The following ZRANB3 variants were observed in gnomAD, a reference collection of about 807,000 sequenced individuals.
ZRANB3 encodes DNA annealing helicase and endonuclease ZRANB3.
ZRANB3 carries 125 observed loss-of-function variants against 133.8 expected under a neutral mutation model. That is an observed-to-expected ratio of 0.93 (90% CI 0.81 to 1.08). The LOEUF (loss-of-function observed/expected upper bound fraction) is 1.08, where lower values mean the gene tolerates loss of function less well. Among genes scored for constraint, ZRANB3 ranks in the 50% least tolerant of loss-of-function variants. The probability of loss-of-function intolerance (pLI) is 0.00; values close to 1 mark genes in which losing one functional copy is unlikely to be tolerated. For synonymous variants in ZRANB3, 387 were observed against 432.7 expected (o/e 0.89, Z 1.31); for missense variants, 1,229 against 1,275.5 (o/e 0.96, Z 0.56).
At chr2:135,414,862 T>C (rs372721191) in intron 2 of ZRANB3, among the ~76,000 whole-genome samples, 6 of 151,992 alleles carry the variant, frequency 3.9e-5, no homozygotes, top group Non-Finnish European at 8.8e-5. Context: ...CTACTGGGTA[T>C]ATAACAAAAT....
intron 2 of ZRANB3, among the ~76,000 whole-genome samples, chr2:135,419,585 A>G (rs1688745342): frequency 6.6e-6 from 1 of 152,166 alleles, no homozygotes; most frequent in African/African-American, 2.4e-5. Context: ...GATTGCACCC[A>G]TATACAAGTT....
At chr2:135,240,667 C>T (rs1695511642) in intron 12 of ZRANB3, among the ~76,000 whole-genome samples, 1 of 152,162 alleles carries the variant, frequency 6.6e-6, no homozygotes, top group Non-Finnish European at 1.5e-5. Flanking sequence ...GAGTCTTGAC[C>T]TCCTGGATTC....
chr2:135,405,713 A>G (rs1188198939), intron 2 of ZRANB3, among the ~76,000 whole-genome samples: 1 of 152,210 alleles, frequency 6.6e-6, no homozygotes, highest in African/African-American at 2.4e-5. Flanking sequence ...CCTGCTCCTG[A>G]ATGACTACTG....
intron 13 of ZRANB3, 177 bp from the exon 14 acceptor site, chr2:135,228,192 AG>A (rs1694835536): frequency 1.8e-6 from 1 of 546,114 alleles, no homozygotes; most frequent in African/African-American, 1.9e-5. Flanking sequence ...AAGAGACAGC[AG>A]GAACAGGACA....
At chr2:135,356,980 G>A (rs184406541) in intron 3 of ZRANB3, among the ~76,000 whole-genome samples, 5 of 152,066 alleles carry the variant, frequency 3.3e-5, no homozygotes, top group East Asian at 1.9e-4. Flanking sequence ...CACCATGCCC[G>A]GCCTAATAGA....
intron 6 of ZRANB3, among the ~76,000 whole-genome samples, chr2:135,341,882 C>T (rs1684684741): frequency 1.3e-5 from 2 of 149,914 alleles, no homozygotes; most frequent in Non-Finnish European, 2.9e-5. Context: ...CAGACTGGTT[C>T]TCTGCTCTTG....
chr2:135,206,688 G>A (rs1269458976), intron 19 of ZRANB3, among the ~76,000 whole-genome samples: 1 of 145,666 alleles, frequency 6.9e-6, no homozygotes, highest in Non-Finnish European at 1.5e-5. Flanking sequence ...AGGGAAGGAG[G>A]AAAGGAGAAA....
chr2:135,500,713 A>G (rs998579397), intron 2 of ZRANB3, among the ~76,000 whole-genome samples: 3 of 150,914 alleles, frequency 2.0e-5, no homozygotes, highest in African/African-American at 7.3e-5. Flanking sequence ...CAAGCTATAC[A>G]TTCATAATCT....
Position 135,269,067 on chromosome 2 carries a change from T to C in ZRANB3, c.1281A>G (p.Ala427=), listed in dbSNP as rs1299824162. 1 of 1,613,236 alleles carries C rather than the reference T, an allele frequency of 6.2e-7. No individual in the cohort carries two copies. The highest frequency in any genetic ancestry group is 1.7e-5 in the Admixed American group (1 of 59,910). Residue 427 remains alanine, a synonymous_variant, in exon 11 of 21, where the codon GCA becomes GCG. Transcript: ENST00000264159. ...LYWDPGHIKQ[A]EDRAHRIGQC... The stretch of plus-strand genomic sequence containing the variant: ...GGCCAATTCTGTGAGCTCGGTCTTC[T>C]GCTTGTTTTATATGTCCAGGGTCCC...
intron 18 of ZRANB3, among the ~76,000 whole-genome samples, chr2:135,208,104 T>A (rs1234158607): frequency 6.6e-6 from 1 of 152,182 alleles, no homozygotes; most frequent in Non-Finnish European, 1.5e-5. Context: ...TCTGGAAACA[T>A]GTGAAACATC....
intron 6 of ZRANB3, among the ~76,000 whole-genome samples, chr2:135,337,165 AC>A (rs1387811202): frequency 6.6e-6 from 1 of 152,148 alleles, no homozygotes; most frequent in East Asian, 1.9e-4. Context: ...TAAACCCGAT[AC>A]CCACCATGGT....
At chr2:135,352,716 T>G (rs1573961577) in intron 4 of ZRANB3, among the ~76,000 whole-genome samples, 1 of 152,312 alleles carries the variant, frequency 6.6e-6, no homozygotes, top group African/African-American at 2.4e-5. Flanking sequence ...TACCAAAATT[T>G]AAAAATCTAA....
At chr2:135,299,088 T>G (rs930160217) in intron 8 of ZRANB3, among the ~76,000 whole-genome samples, 1 of 152,186 alleles carries the variant, frequency 6.6e-6, no homozygotes, top group African/African-American at 2.4e-5. Flanking sequence ...TTATGTCTTT[T>G]GTCTTCTCTT....
rs1311032573 is a variant in ZRANB3 at position 135,197,043 on chromosome 2, A to AAAAC, written c.*3295_*3298dup. 1 of 152,196 alleles carries AAAAC rather than the reference A, an allele frequency of 6.6e-6. No homozygotes were observed. The highest frequency in any genetic ancestry group is 2.4e-5 in the African/African-American group (1 of 41,426). 9.4% of individuals were successfully genotyped at this position (152,196 alleles called of 1,614,324 possible). A position where few individuals can be genotyped will look rare whatever the true frequency, so the allele number is the denominator to read the frequency against. Reference sequence around the variant, plus strand: ...AATTATGAACACAACCAGGGTGGCAAAAACACCCTTAACGATATAAAGCAA... The same window carrying AAAAC: ...AATTATGAACACAACCAGGGTGGCAAAAACAAACACCCTTAACGATATAAAGCAA... On this transcript the variant is annotated 3_prime_UTR_variant, in exon 21 of 21. Transcript: ENST00000264159.
chr2:135,258,465 G>A (rs952034089), intron 12 of ZRANB3, among the ~76,000 whole-genome samples: 1 of 152,124 alleles, frequency 6.6e-6, no homozygotes, highest in Admixed American at 6.5e-5. Context: ...AAGCCTGCTA[G>A]CAGGACTCTC....
In ZRANB3 at chr2:135,284,624, A is replaced by C. The variant is rs568024728; in HGVS notation, c.967-8869T>G. On this transcript the variant is annotated intron_variant, in intron 8 of 20. Coordinates refer to ENST00000264159, the MANE Select transcript of ZRANB3 (RefSeq NM_032143.4). The stretch of plus-strand genomic sequence containing the variant: ...GTAGCTGGGACTACAGGCGCCTGTC[A>C]CCACGCCCGGCTAATTTTTTGTATT... 1.4e-4 allele frequency among the ~76,000 whole-genome samples: 22 copies of C among 152,158 alleles called. No individual in the cohort carries two copies. In the South Asian group the frequency reaches 3.9e-3, roughly 27 times the overall value.
chr2:135,421,286 T>C (rs1264365142), intron 2 of ZRANB3, among the ~76,000 whole-genome samples: 1 of 152,188 alleles, frequency 6.6e-6, no homozygotes, highest in Non-Finnish European at 1.5e-5. Context: ...ATACAATGGA[T>C]TGTCTTTAAT....
chr2:135,410,567 C>G (rs918316114), intron 2 of ZRANB3, among the ~76,000 whole-genome samples: 1 of 152,046 alleles, frequency 6.6e-6, no homozygotes, highest in African/African-American at 2.4e-5. Flanking sequence ...CTTCTGGACA[C>G]TGGACTAGGC....
chr2:135,467,888 G>T (rs1691068734), intron 2 of ZRANB3, among the ~76,000 whole-genome samples: 1 of 152,136 alleles, frequency 6.6e-6, no homozygotes, highest in African/African-American at 2.4e-5. Flanking sequence ...GGTAAGCTTA[G>T]GCAAATTACT....
Sources: allele counts gnomAD v4.1 joint callset (sites outside exome capture counted in the v4.1 genomes callset), GRCh38; gene constraint gnomAD v4.1.1; transcripts MANE v1.5; gene names NCBI Gene and HGNC (gene_info 2026-07-23, HGNC 2026-07-21).